PXDN: variants seen among roughly 807,000 people sequenced by gnomAD.
PXDN encodes peroxidasin homolog.
A neutral mutation model predicts 140.3 loss-of-function variants in PXDN; 77 were observed. That is an observed-to-expected ratio of 0.55 (90% CI 0.46 to 0.66). The LOEUF (loss-of-function observed/expected upper bound fraction) is 0.66. Ranked by LOEUF, PXDN falls within the 30% of genes least tolerant of loss-of-function variation. PXDN has a pLI of 0.00. For missense variants in PXDN, 1,838 were observed against 2,039.5 expected, an observed-to-expected ratio of 0.90 and a Z score of 1.90; for synonymous variants, 911 against 857.4, an observed-to-expected ratio of 1.06 and a Z score of -1.09.
chr2:1,664,694 G>A, intron 11 of PXDN: 1 of 443,216 alleles, frequency 2.3e-6, no homozygotes. Context: ...GGAGTCAAAG[G>A]CAGGAACCCC....
intron 1 of PXDN, among the ~76,000 whole-genome samples, chr2:1,717,652 G>A (rs939766777): frequency 6.6e-6 from 1 of 152,070 alleles, no homozygotes; most frequent in Non-Finnish European, 1.5e-5. Context: ...TCCTGAGCCT[G>A]GAACCACATG....
At chr2:1,696,346 C>A (rs1055466448) in intron 1 of PXDN, among the ~76,000 whole-genome samples, 3 of 152,106 alleles carry the variant, frequency 2.0e-5, no homozygotes, top group Non-Finnish European at 4.4e-5. Flanking sequence ...GACCTCCCAC[C>A]ATGCTCTAAG....
At chr2:1,730,070 C>T (rs889494168) in intron 1 of PXDN, among the ~76,000 whole-genome samples, 3 of 152,158 alleles carry the variant, frequency 2.0e-5, no homozygotes, top group South Asian at 2.1e-4. Flanking sequence ...AATACTGCTA[C>T]GTACTACACA....
rs1473071875 is a variant in PXDN, at chr2:1,685,132, CG to C, written c.417-982del. Among the ~76,000 whole-genome samples, 4 of 152,224 alleles carry C rather than the reference CG, an allele frequency of 2.6e-5. No homozygotes were observed. In the South Asian group the frequency reaches 8.3e-4, roughly 32 times the overall value. On this transcript the variant is annotated intron_variant, in intron 4 of 22. Coordinates refer to ENST00000252804, the MANE Select transcript of PXDN (RefSeq NM_012293.3). This position sits in a 1 kb window ranked among gnomAD's most constrained non-coding sequence, Gnocchi z 5.1. ...GCACCAGAGTGCGGCTGCCAGGGCC[CG>C]CCCCGTCCCGGGGCCAGCTCCCCAG...
At chr2:1,704,983 T>A (rs1329085948) in intron 1 of PXDN, among the ~76,000 whole-genome samples, 1 of 152,140 alleles carries the variant, frequency 6.6e-6, no homozygotes, top group Non-Finnish European at 1.5e-5. Flanking sequence ...ATTCTGAGGA[T>A]GTAATGAGAG....
chr2:1,680,044 TTG>T (rs1487248174), intron 7 of PXDN, 147 bp downstream of exon 7: 5 of 1,005,026 alleles, frequency 5.0e-6, no homozygotes, highest in South Asian at 3.3e-5. Context: ...TGTGTGTGGT[TTG>T]TGTCTGCGCG....
At chr2:1,679,421 G>GGT (rs138941922) in intron 7 of PXDN, among the ~76,000 whole-genome samples, 5 of 145,094 alleles carry the variant, frequency 3.4e-5, no homozygotes, top group Admixed American at 6.8e-5. Context: ...GTGCGTGTGT[G>GGT]GTGTGTGTGT....
At chr2:1,659,399 T>A (rs1487580281) in intron 14 of PXDN, among the ~76,000 whole-genome samples, 1 of 152,274 alleles carries the variant, frequency 6.6e-6, no homozygotes, top group Admixed American at 6.5e-5. Context: ...AATAGGTAGA[T>A]AAATGAGACA....
At position 1,714,327 on chromosome 2, in the gene PXDN, G is replaced by A. The variant is rs565569105; in HGVS notation, c.201-21193C>T. Reference sequence around the variant, plus strand: ...TCTTGGGAAGGTTCCCCTGTCCCCCGATGGTCCGGCACCCTGGCCCACTCG... The same window carrying A: ...TCTTGGGAAGGTTCCCCTGTCCCCCAATGGTCCGGCACCCTGGCCCACTCG... On this transcript the variant is annotated intron_variant, in intron 1 of 22. Coordinates refer to ENST00000252804, the MANE Select transcript of PXDN (RefSeq NM_012293.3). This position sits in a 1 kb window ranked among gnomAD's most constrained non-coding sequence, Gnocchi z 4.3. 9.6e-4 allele frequency among the ~76,000 whole-genome samples: 146 copies of A among 152,258 alleles called. No individual in the cohort carries two copies. The highest frequency in any genetic ancestry group is 3.2e-3 in the African/African-American group (135 of 41,562).
At chr2:1,680,157 A>AGATTGTGT (rs1558505656) in intron 7 of PXDN, 36 bp downstream of exon 7, 3 of 1,342,018 alleles carry the variant, frequency 2.2e-6, no homozygotes, top group Non-Finnish European at 3.0e-6. Flanking sequence ...AGATGGTGTG[A>AGATTGTGT]GTGTGTGGAT....
intron 1 of PXDN, among the ~76,000 whole-genome samples, chr2:1,702,754 G>A (rs912579879): frequency 5.0e-4 from 76 of 151,328 alleles, no homozygotes; most frequent in South Asian, 3.6e-3. Context: ...TCAGCCTCCC[G>A]AGTAGCTGGG....
chr2:1,654,281 A>G (rs577646720), intron 15 of PXDN, 119 bp downstream of exon 15: 3 of 661,468 alleles, frequency 4.5e-6, no homozygotes, highest in Non-Finnish European at 7.5e-6. Flanking sequence ...AAACATTTTG[A>G]TCATCAGATA....
intron 8 of PXDN, chr2:1,676,722 A>C: frequency 5.0e-5 from 30 of 599,360 alleles, no homozygotes; most frequent in East Asian, 5.9e-5. Context: ...AGAGTGGGGA[A>C]GGGGCCCCAG....
chr2:1,638,749 T>C (rs140652010), intron 21 of PXDN, 97 bp downstream of exon 21: 96 of 1,559,128 alleles, frequency 6.2e-5, no homozygotes, highest in African/African-American at 5.4e-4. Context: ...AGTTGAACAG[T>C]TGCCTGGGAA....
At chr2:1,663,304 A>T (rs1683348719) in intron 12 of PXDN, among the ~76,000 whole-genome samples, 1 of 152,100 alleles carries the variant, frequency 6.6e-6, no homozygotes, top group African/African-American at 2.4e-5. Context: ...TTCTAAAATA[A>T]TCTTAATTAA....
rs1284070303 is a variant in PXDN at position 1,654,395 on chromosome 2, G to A, written c.1946+5C>T. 9 of 1,606,002 alleles carry A rather than the reference G, an allele frequency of 5.6e-6. No homozygotes were observed. Among genetic ancestry groups the A allele is most frequent in the African/African-American group, 1.3e-5 (1 of 74,806 alleles). On this transcript the variant is annotated splice_donor_5th_base_variant and intron_variant, in intron 15 of 22. Transcript: ENST00000252804. ...AGGGTCAGCGTGTTTACAGCCCCAC[G>A]ATACCTGTCAAACAAATGTGTTCGG...
intron 4 of PXDN, among the ~76,000 whole-genome samples, 185 bp from the exon 5 acceptor site, chr2:1,684,336 A>G (rs1171003363): frequency 6.6e-6 from 1 of 152,196 alleles, no homozygotes; most frequent in Non-Finnish European, 1.5e-5. Flanking sequence ...ACAACTGAAC[A>G]CTAGGCACAG....
In PXDN at chr2:1,697,002, C is replaced by T. The variant is rs138268806; in HGVS notation, c.201-3868G>A. Among the ~76,000 whole-genome samples, 82 of 152,274 alleles carry T rather than the reference C, an allele frequency of 5.4e-4. 1 individual carries two copies. The Middle Eastern group carries it at 0.014, about 25-fold the overall frequency. On this transcript the variant is annotated intron_variant, in intron 1 of 22. Coordinates refer to ENST00000252804, the MANE Select transcript of PXDN (RefSeq NM_012293.3). The stretch of plus-strand genomic sequence containing the variant: ...TTTTGCCTGAATCATTTCTCACTTG[C>T]GAGATTCTAGAGAGCTCAGGAGGGG...
Position 1,687,092 on chromosome 2 carries a change from C to T in PXDN, c.416+540G>A, listed in dbSNP as rs977753952. Among the ~76,000 whole-genome samples the T allele has an allele frequency of 6.6e-6, 1 of 152,230 alleles. No individual in the cohort carries two copies. The highest frequency in any genetic ancestry group is 1.5e-5 in the Non-Finnish European group (1 of 68,046). ...TACGACTTCACGTTGGCCAAAGAAACTAAGAGCGTTTCATGACACACTGCA... is the reference window on the plus strand; with the variant it reads ...TACGACTTCACGTTGGCCAAAGAAATTAAGAGCGTTTCATGACACACTGCA... On this transcript the variant is annotated intron_variant, in intron 4 of 22. Transcript: ENST00000252804. The surrounding 1 kb of genome is among the most constrained non-coding windows in gnomAD (Gnocchi z 4.0).
Sources: gnomAD v4.1 joint callset for allele counts (sites outside exome capture counted in the v4.1 genomes callset) on GRCh38, gnomAD v4.1.1 for gene constraint, Gnocchi (gnomAD v3.1) non-coding constraint, MANE v1.5 for transcripts, NCBI Gene and HGNC (gene_info 2026-07-23, HGNC 2026-07-21) for gene names.